The following LTBP1 variants were observed in gnomAD, a reference collection of about 807,000 sequenced individuals.
LTBP1 encodes latent transforming growth factor beta binding protein 1.
Under a neutral mutation model 207.6 loss-of-function variants are expected in LTBP1, and 129 were observed. The ratio of observed to expected loss-of-function variants is 0.62; its 90% CI spans 0.54 to 0.72. The LOEUF is 0.72. Among genes scored for constraint, LTBP1 ranks in the 30% least tolerant of loss-of-function variants. The pLI is 0.00. For synonymous variants in LTBP1, 963 were observed against 833.7 expected (o/e 1.16, Z -2.67); for missense variants, 2,281 against 2,217.2 (o/e 1.03, Z -0.58).
chr2:33,321,362 C>T (rs764536812), intron 24 of LTBP1, among the ~76,000 whole-genome samples: 3 of 152,116 alleles, frequency 2.0e-5, no homozygotes, highest in African/African-American at 4.8e-5. Context: ...ATTGCCAATG[C>T]GTTGACGTGT....
intron 5 of LTBP1, among the ~76,000 whole-genome samples, chr2:33,151,352 T>C (rs1295154888): frequency 6.6e-6 from 1 of 152,210 alleles, no homozygotes; most frequent in African/African-American, 2.4e-5. Flanking sequence ...GGCTGTGCCA[T>C]TTTATATTCC....
chr2:33,009,130 G>T (rs1319503563), intron 2 of LTBP1, among the ~76,000 whole-genome samples: 5 of 152,204 alleles, frequency 3.3e-5, no homozygotes, highest in South Asian at 2.1e-4. Context: ...ATTCCTTCTG[G>T]TTGCTCTGGT....
chr2:33,014,514 A>T (rs1222020583), intron 2 of LTBP1, among the ~76,000 whole-genome samples: 2 of 152,232 alleles, frequency 1.3e-5, no homozygotes, highest in African/African-American at 4.8e-5. Context: ...CACAGAAGAC[A>T]CAGTTAGACT....
chr2:33,321,554 G>A (rs1297976889), intron 24 of LTBP1, among the ~76,000 whole-genome samples: 1 of 152,224 alleles, frequency 6.6e-6, no homozygotes, highest in African/African-American at 2.4e-5. Flanking sequence ...GAACGGGGGA[G>A]AATGAAAGCA....
intron 5 of LTBP1, among the ~76,000 whole-genome samples, chr2:33,184,187 A>G (rs777331414): frequency 7.9e-5 from 12 of 152,094 alleles, no homozygotes; most frequent in Non-Finnish European, 1.8e-4. Flanking sequence ...TCTCCTTTCC[A>G]GCTAATCCCG....
At chr2:33,384,252 G>T (rs2095246431) in intron 31 of LTBP1, among the ~76,000 whole-genome samples, 1 of 152,218 alleles carries the variant, frequency 6.6e-6, no homozygotes, top group Non-Finnish European at 1.5e-5. Context: ...ATATGAATCA[G>T]CCATGCCAGG....
At chr2:33,397,813 C>T (rs1166728312) in intron 33 of LTBP1, among the ~76,000 whole-genome samples, 3 of 151,998 alleles carry the variant, frequency 2.0e-5, no homozygotes, top group South Asian at 2.1e-4. Context: ...TGAGCCACCA[C>T]GCCTGGCCTC....
intron 1 of LTBP1, 148 bp downstream of exon 1, chr2:32,947,966 C>G (rs1466212250): frequency 1.6e-6 from 1 of 616,104 alleles, no homozygotes; most frequent in Non-Finnish European, 2.3e-6. Flanking sequence ...TCCGCCTGCT[C>G]TGGGCGCCGC....
chr2:33,273,132 TGTTTA>T (rs2093355760), intron 15 of LTBP1, among the ~76,000 whole-genome samples: 1 of 152,184 alleles, frequency 6.6e-6, no homozygotes, highest in African/African-American at 2.4e-5. Flanking sequence ...AGTTTTTCTT[TGTTTA>T]GAAGTGGGAG....
At chr2:33,153,487 G>T (rs1436591365) in intron 5 of LTBP1, among the ~76,000 whole-genome samples, 1 of 152,046 alleles carries the variant, frequency 6.6e-6, no homozygotes, top group East Asian at 1.9e-4. Context: ...AAAGAAAACT[G>T]AAATGAGAGC....
intron 31 of LTBP1, among the ~76,000 whole-genome samples, chr2:33,386,750 A>C (rs2095268570): frequency 6.6e-6 from 1 of 151,734 alleles, no homozygotes; most frequent in Non-Finnish European, 1.5e-5. Context: ...GCTTGAGCCC[A>C]GGAGTTTGAG....
chr2:33,012,277 TG>T (rs1014755034), intron 2 of LTBP1, among the ~76,000 whole-genome samples: 26 of 142,118 alleles, frequency 1.8e-4, no homozygotes, highest in Admixed American at 5.6e-4. Context: ...TGGGATGGGG[TG>T]GGGGGGGCTT....
chr2:33,385,120 T>C (rs767407173), intron 31 of LTBP1, among the ~76,000 whole-genome samples: 20 of 152,246 alleles, frequency 1.3e-4, no homozygotes, highest in Admixed American at 8.5e-4. Flanking sequence ...AAATGTACTA[T>C]TGTTCATACT....
chr2:32,948,120 A>G (rs1676542345), intron 1 of LTBP1, among the ~76,000 whole-genome samples: 1 of 152,226 alleles, frequency 6.6e-6, no homozygotes, highest in Admixed American at 6.5e-5. Flanking sequence ...CTTCTAGAAG[A>G]TGGGCGTAAA....
intron 20 of LTBP1, among the ~76,000 whole-genome samples, chr2:33,298,994 G>T (rs903742819): frequency 1.3e-5 from 2 of 152,058 alleles, no homozygotes; most frequent in Non-Finnish European, 2.9e-5. Context: ...GAAACTTTGC[G>T]GCTAGGTGTG....
At chr2:33,363,872 G>A (rs1315540125) in intron 29 of LTBP1, among the ~76,000 whole-genome samples, 1 of 152,184 alleles carries the variant, frequency 6.6e-6, no homozygotes, top group Non-Finnish European at 1.5e-5. Flanking sequence ...TAATGCTTAA[G>A]CAGAAAACCA....
intron 3 of LTBP1, among the ~76,000 whole-genome samples, chr2:33,033,277 G>A (rs761492166): frequency 6.6e-6 from 1 of 151,374 alleles, no homozygotes; most frequent in Admixed American, 6.6e-5. Flanking sequence ...ATGTAATACT[G>A]TCCCCTCTGT....
At chr2:33,174,085 A>G (rs1247083350) in intron 5 of LTBP1, among the ~76,000 whole-genome samples, 1 of 147,156 alleles carries the variant, frequency 6.8e-6, no homozygotes, top group Non-Finnish European at 1.5e-5. Context: ...ATTCCCTTTG[A>G]AAAGTGGCAC....
intron 7 of LTBP1, among the ~76,000 whole-genome samples, chr2:33,194,207 G>A (rs13401875): frequency 0.049 from 7,399 of 151,934 alleles, 586 homozygotes; most frequent in African/African-American, 0.17. Context: ...GGGTGGTCTC[G>A]ATCTCCTGAC....
Sources: allele counts gnomAD v4.1 joint callset (sites outside exome capture counted in the v4.1 genomes callset), GRCh38; gene constraint gnomAD v4.1.1; transcripts MANE v1.5; gene names NCBI Gene and HGNC (gene_info 2026-07-23, HGNC 2026-07-21).